The following COL22A1 variants were observed in gnomAD, a reference collection of about 807,000 sequenced individuals.
COL22A1 encodes the protein collagen alpha-1(XXII) chain.
Under a neutral mutation model 248.9 loss-of-function variants are expected in COL22A1, and 221 were observed. The ratio of observed to expected loss-of-function variants is 0.89; its 90% CI spans 0.80 to 0.99. COL22A1 has a LOEUF of 0.99. Ranked by LOEUF, COL22A1 falls within the 50% of genes least tolerant of loss-of-function variation. The pLI, the probability that COL22A1 is intolerant of heterozygous loss-of-function variation, is 0.00. For missense variants in COL22A1, 2,240 were observed against 2,179.0 expected (o/e 1.03, Z -0.56); for synonymous variants, 891 against 793.4 (o/e 1.12, Z -2.07).
chr8:138,823,497 C>A (rs1361823528), intron 6 of COL22A1, among the ~76,000 whole-genome samples: 1 of 152,118 alleles, frequency 6.6e-6, no homozygotes, highest in African/African-American at 2.4e-5. Flanking sequence ...CCTCAACCTC[C>A]CAGGTTCAAG....
chr8:138,617,235 A>T (rs1419116543), intron 53 of COL22A1, among the ~76,000 whole-genome samples: 2 of 152,172 alleles, frequency 1.3e-5, no homozygotes, highest in Admixed American at 6.5e-5. Context: ...CTACTGGTTC[A>T]GGTGTCTCCT....
At chr8:138,635,110 T>C in intron 48 of COL22A1, 47 bp from the exon 49 acceptor site, 2 of 1,456,022 alleles carry the variant, frequency 1.4e-6, no homozygotes, top group Non-Finnish European at 1.9e-6. Flanking sequence ...TGAAAAATAC[T>C]TTTTACTTTG....
At chr8:138,904,444 G>GAGGAC (rs1814852816) in intron 1 of COL22A1, among the ~76,000 whole-genome samples, 2 of 152,082 alleles carry the variant, frequency 1.3e-5, no homozygotes, top group Admixed American at 1.3e-4. Flanking sequence ...ATGCACACAA[G>GAGGAC]AGGACAGGAC....
intron 1 of COL22A1, among the ~76,000 whole-genome samples, chr8:138,913,051 C>A (rs1815566150): frequency 6.7e-6 from 1 of 149,962 alleles, no homozygotes; most frequent in Non-Finnish European, 1.5e-5. Context: ...AAACACCTCT[C>A]TGACCTAGAG....
intron 1 of COL22A1, among the ~76,000 whole-genome samples, chr8:138,885,138 G>T (rs1255484815): frequency 1.3e-5 from 2 of 152,128 alleles, no homozygotes; most frequent in Non-Finnish European, 2.9e-5. Flanking sequence ...CTACTGCAGG[G>T]TCACCCTCCA....
chr8:138,693,691 C>T lies in COL22A1; in HGVS notation c.2709G>A (p.Lys903=), dbSNP rs1287397190. Residue 903 remains lysine, a synonymous_variant, in exon 35 of 65, where the codon AAG becomes AAA. Transcript: ENST00000303045. ...GAGCCCCATGTGCACCTTCCTGTCC[C>T]TTGGCACCCTGCACAGGAAATAAAA... ...PQGPTGPPGA[K]GQEGAHGAPG... is the part of the protein sequence containing the mutation. The T allele has an allele frequency of 8.9e-6, 14 of 1,576,122 alleles. No individual in the cohort carries two copies. The highest frequency in any genetic ancestry group is 1.1e-5 in the Non-Finnish European group (13 of 1,160,436).
intron 2 of COL22A1, 145 bp downstream of exon 2, chr8:138,882,937 C>T (rs1303085608): frequency 1.4e-6 from 1 of 737,384 alleles, no homozygotes; most frequent in Non-Finnish European, 2.1e-6. Flanking sequence ...AGGCAGCTGA[C>T]TCACACTTGG....
At chr8:138,691,726 ATG>A in intron 35 of COL22A1, among the ~76,000 whole-genome samples, 2 of 4,932 alleles carry the variant, frequency 4.1e-4, no homozygotes, top group Middle Eastern at 0.083. Context: ...ATGTGTGTAC[ATG>A]TGAGTGTGCA....
intron 28 of COL22A1, 27 bp from the exon 29 acceptor site, chr8:138,716,316 G>T: frequency 6.5e-7 from 1 of 1,545,510 alleles, no homozygotes; most frequent in Non-Finnish European, 8.8e-7. Context: ...TTCACAAGGC[G>T]TCAACAGGAA....
intron 1 of COL22A1, among the ~76,000 whole-genome samples, chr8:138,898,219 C>A (rs1304810784): frequency 6.6e-6 from 1 of 152,198 alleles, no homozygotes; most frequent in Admixed American, 6.5e-5. Context: ...ACTGCAGCCT[C>A]TGCTTCATCT....
intron 40 of COL22A1, among the ~76,000 whole-genome samples, chr8:138,678,780 C>T (rs1467099004): frequency 7.3e-6 from 1 of 136,398 alleles, no homozygotes; most frequent in East Asian, 2.2e-4. Context: ...CCCACAACCT[C>T]TCTGCATCAC....
At chr8:138,784,367 C>T (rs1815314395) in intron 12 of COL22A1, among the ~76,000 whole-genome samples, 1 of 152,198 alleles carries the variant, frequency 6.6e-6, no homozygotes, top group Non-Finnish European at 1.5e-5. Flanking sequence ...CACTGGTTTA[C>T]TTTTGTGGGT....
intron 11 of COL22A1, among the ~76,000 whole-genome samples, chr8:138,797,589 G>C (rs751239909): frequency 2.0e-5 from 3 of 152,154 alleles, no homozygotes; most frequent in Non-Finnish European, 4.4e-5. Context: ...GCATTTTTGA[G>C]GGGTATATTC....
intron 4 of COL22A1, among the ~76,000 whole-genome samples, chr8:138,843,667 C>T (rs563193148): frequency 2.0e-5 from 3 of 152,282 alleles, no homozygotes; most frequent in East Asian, 1.9e-4. Context: ...TCTGCAGTCA[C>T]GTGTCTCTTT....
In COL22A1 at chr8:138,695,573, T is replaced by A. The variant is rs936874249; in HGVS notation, c.2593-694A>T. Among the ~76,000 whole-genome samples, 3 of 152,034 alleles carry A rather than the reference T, an allele frequency of 2.0e-5. No homozygotes were observed. In the South Asian group the frequency reaches 6.3e-4, roughly 32 times the overall value. On this transcript the variant is annotated intron_variant, in intron 32 of 64. Coordinates refer to ENST00000303045, the MANE Select transcript of COL22A1 (RefSeq NM_152888.3). The stretch of plus-strand genomic sequence containing the variant: ...GGAACCCAGACCTTTGGGGACAGAC[T>A]GGGGGTTGAACCCTAGACTCTGGGT...
intron 3 of COL22A1, among the ~76,000 whole-genome samples, chr8:138,868,523 G>T (rs565539786): frequency 1.1e-4 from 16 of 152,140 alleles, no homozygotes; most frequent in Admixed American, 3.9e-4. Context: ...AAGAAACACT[G>T]TGCCAAGTGA....
chr8:138,694,279 G>A (rs1827319824), intron 34 of COL22A1, among the ~76,000 whole-genome samples: 3 of 152,202 alleles, frequency 2.0e-5, no homozygotes, highest in Admixed American at 1.3e-4. Flanking sequence ...CAACCCTTTA[G>A]TGACAGAGTA....
Position 138,676,328 on chromosome 8 carries a change from G to A in COL22A1, c.3150+230C>T, listed in dbSNP as rs193027198. 3.7e-3 allele frequency among the ~76,000 whole-genome samples: 562 copies of A among 150,854 alleles called. 16 individuals are homozygous for A. The highest frequency in any genetic ancestry group is 0.036 in the Admixed American group (536 of 14,956). Reference sequence around the variant, plus strand: ...GGAGAATCACTTGAACCTGGGAGGCGGAGGTTGCAGTGAGCTGAGATTGCA... The same window carrying A: ...GGAGAATCACTTGAACCTGGGAGGCAGAGGTTGCAGTGAGCTGAGATTGCA... On this transcript the variant is annotated intron_variant, in intron 41 of 64. Transcript: ENST00000303045.
At chr8:138,658,144 C>T (rs912854328) in intron 44 of COL22A1, among the ~76,000 whole-genome samples, 4 of 152,270 alleles carry the variant, frequency 2.6e-5, no homozygotes, top group Middle Eastern at 3.4e-3. Context: ...GGGTGCAGCA[C>T]TGGAGAAACA....
Sources: gnomAD v4.1 joint callset for allele counts (sites outside exome capture counted in the v4.1 genomes callset) on GRCh38, gnomAD v4.1.1 for gene constraint, MANE v1.5 for transcripts, NCBI Gene and HGNC (gene_info 2026-07-23, HGNC 2026-07-21) for gene names.